Variants in ST7 observed in about 807,000 individuals in gnomAD.
ST7 encodes suppression of tumorigenicity 7, also known as suppressor of tumorigenicity 7 protein.
In ST7, 28 loss-of-function variants were observed where a neutral mutation model predicts 78.7. That is an observed-to-expected ratio of 0.36 (90% CI 0.26 to 0.49). ST7 has a LOEUF of 0.49. ST7 is among the 20% of genes least tolerant of loss of function. The pLI is 0.99. For synonymous variants in ST7, 247 were observed against 249.6 expected (o/e 0.99, Z 0.10); for missense variants, 418 against 696.0 (o/e 0.60, Z 4.49).
At chr7:116,987,390 T>G (rs112781627) in intron 1 of ST7, among the ~76,000 whole-genome samples, 118 of 152,330 alleles carry the variant, frequency 7.7e-4, no homozygotes, top group African/African-American at 2.8e-3. Context: ...GGGCCTGCTG[T>G]GGCATCACTG....
chr7:117,109,179 CAG>C (rs1802215534), intron 2 of ST7, among the ~76,000 whole-genome samples: 1 of 152,128 alleles, frequency 6.6e-6, no homozygotes, highest in Non-Finnish European at 1.5e-5. Flanking sequence ...GTCCTGTTCT[CAG>C]GGTAAATGCT....
At chr7:117,166,866 G>C (rs867527434) in intron 9 of ST7, among the ~76,000 whole-genome samples, 16 of 151,226 alleles carry the variant, frequency 1.1e-4, no homozygotes, top group Admixed American at 6.6e-4. Flanking sequence ...TCCAGACTGG[G>C]TGACAGAGCC....
At chr7:117,093,303 A>G (rs1351486094) in intron 1 of ST7, among the ~76,000 whole-genome samples, 1 of 152,226 alleles carries the variant, frequency 6.6e-6, no homozygotes, top group Non-Finnish European at 1.5e-5. Flanking sequence ...TGCTTGGCAC[A>G]TAGAAGATGC....
intron 2 of ST7, among the ~76,000 whole-genome samples, chr7:117,110,881 T>C (rs1034470787): frequency 6.6e-6 from 1 of 152,230 alleles, no homozygotes; most frequent in African/African-American, 2.4e-5. Context: ...CGGATGATCA[T>C]TGCTGGGCTA....
intron 1 of ST7, among the ~76,000 whole-genome samples, chr7:117,051,026 A>G (rs1015851264): frequency 6.6e-6 from 1 of 151,072 alleles, no homozygotes; most frequent in East Asian, 1.9e-4. Context: ...CAATATGTTT[A>G]TTGCAGAAAA....
chr7:117,229,462 A>G (rs1402012186), intron 15 of ST7, among the ~76,000 whole-genome samples: 1 of 152,208 alleles, frequency 6.6e-6, no homozygotes, highest in Non-Finnish European at 1.5e-5. Flanking sequence ...AGTCATCTGC[A>G]TGGCAGCTGG....
intron 1 of ST7, among the ~76,000 whole-genome samples, chr7:117,098,098 T>G (rs112322335): frequency 6.6e-6 from 1 of 150,910 alleles, no homozygotes; most frequent in Non-Finnish European, 1.5e-5. Flanking sequence ...CTCTTGTGAT[T>G]GCAGATGAAA....
intron 9 of ST7, among the ~76,000 whole-genome samples, chr7:117,164,175 C>G (rs1405614850): frequency 6.6e-6 from 1 of 152,052 alleles, no homozygotes; most frequent in Non-Finnish European, 1.5e-5. Flanking sequence ...AATAAAGAAG[C>G]CAGAAATTCA....
chr7:117,078,963 A>G (rs753146567), intron 1 of ST7, among the ~76,000 whole-genome samples: 6 of 152,164 alleles, frequency 3.9e-5, no homozygotes, highest in Non-Finnish European at 7.3e-5. Context: ...AGGTTCTTCA[A>G]TAAATCTATG....
chr7:116,970,183 A>G (rs7797217), intron 1 of ST7, among the ~76,000 whole-genome samples: 18,768 of 152,228 alleles, frequency 0.12, 1,338 homozygotes, highest in East Asian at 0.3. Flanking sequence ...GAGGCTGCTG[A>G]CGTGGAGAGG....
chr7:117,098,868 A>G (rs1801328119), intron 1 of ST7: 5 of 1,268,270 alleles, frequency 3.9e-6, no homozygotes, highest in Middle Eastern at 2.2e-4. Context: ...GTATCTAGAT[A>G]TAAATAACAA....
chr7:116,987,252 C>A (rs1198373492), intron 1 of ST7, among the ~76,000 whole-genome samples: 8 of 152,148 alleles, frequency 5.3e-5, no homozygotes. Context: ...TCAAAATGGG[C>A]TGGGTATTTT....
chr7:117,214,977 TAC>T (rs149303651), intron 13 of ST7, among the ~76,000 whole-genome samples: 1 of 145,230 alleles, frequency 6.9e-6, no homozygotes, highest in African/African-American at 2.5e-5. Flanking sequence ...AAGCAAAAAA[TAC>T]ACACACACAC....
At chr7:117,133,814 G>A (rs534536315) in intron 6 of ST7, among the ~76,000 whole-genome samples, 1 of 151,588 alleles carries the variant, frequency 6.6e-6, no homozygotes, top group South Asian at 2.1e-4. Context: ...TTTAAAATAT[G>A]TCCTTTAAAA....
chr7:117,144,677 A>G (rs1379998653), intron 9 of ST7, among the ~76,000 whole-genome samples: 2 of 151,640 alleles, frequency 1.3e-5, no homozygotes, highest in South Asian at 4.2e-4. Flanking sequence ...CCCTAACCAT[A>G]CCTCCAGGGG....
chr7:117,179,468 G>C (rs571485588), intron 10 of ST7, among the ~76,000 whole-genome samples: 1 of 152,326 alleles, frequency 6.6e-6, no homozygotes, highest in African/African-American at 2.4e-5. Flanking sequence ...ATACACTTTA[G>C]CCCAGGATGG....
chr7:117,030,425 G>C (rs1213740019), intron 1 of ST7, among the ~76,000 whole-genome samples: 1 of 152,182 alleles, frequency 6.6e-6, no homozygotes, highest in Non-Finnish European at 1.5e-5. Context: ...TCACTAAACA[G>C]ATGTTGTCAT....
At chr7:117,099,541 T>C (rs1174741226) in intron 1 of ST7, among the ~76,000 whole-genome samples, 1 of 152,210 alleles carries the variant, frequency 6.6e-6, no homozygotes, top group Non-Finnish European at 1.5e-5. Context: ...GTACTCTATT[T>C]TCTTGTATGT....
At chr7:116,998,541 C>T (rs1472294547) in intron 1 of ST7, among the ~76,000 whole-genome samples, 4 of 152,368 alleles carry the variant, frequency 2.6e-5, no homozygotes, top group Middle Eastern at 3.4e-3. Context: ...GCGAGGGCTG[C>T]CAGCACACTG....
Sources: allele counts gnomAD v4.1 joint callset (sites outside exome capture counted in the v4.1 genomes callset), GRCh38; gene constraint gnomAD v4.1.1; transcripts MANE v1.5; gene names NCBI Gene and HGNC (gene_info 2026-07-23, HGNC 2026-07-21).